Variants in DOCK8 observed in about 807,000 individuals in gnomAD.
The protein encoded by DOCK8 is dedicator of cytokinesis protein 8.
In DOCK8, 141 loss-of-function variants were observed where a neutral mutation model predicts 245.6. The observed-to-expected ratio is 0.57, with a 90% CI of 0.50 to 0.66. The LOEUF (loss-of-function observed/expected upper bound fraction) is 0.66. DOCK8 is among the 30% of genes least tolerant of loss of function. DOCK8 has a pLI of 0.00. For synonymous variants in DOCK8, 1,168 were observed against 970.2 expected (o/e 1.20, Z -3.79); for missense variants, 2,965 against 2,603.4 (o/e 1.14, Z -3.02).
intron 43 of DOCK8, 148 bp from the exon 44 acceptor site, chr9:446,222 C>T: frequency 1.3e-6 from 1 of 746,426 alleles, no homozygotes; most frequent in East Asian, 2.5e-5. Context: ...GGAACTTCTG[C>T]TGGCCACATT....
chr9:322,880 C>G (rs972646550), intron 7 of DOCK8, among the ~76,000 whole-genome samples: 1 of 151,980 alleles, frequency 6.6e-6, no homozygotes, highest in Non-Finnish European at 1.5e-5. Flanking sequence ...GTCACCTGAG[C>G]TCAGGAGTTT....
chr9:445,301 A>G (rs2057218667), intron 43 of DOCK8, among the ~76,000 whole-genome samples: 1 of 152,200 alleles, frequency 6.6e-6, no homozygotes, highest in Non-Finnish European at 1.5e-5. Context: ...GTCTGAACCC[A>G]GAGTTACAAC....
intron 4 of DOCK8, among the ~76,000 whole-genome samples, chr9:300,125 C>G (rs1014671704): frequency 1.3e-5 from 2 of 151,842 alleles, no homozygotes; most frequent in African/African-American, 4.8e-5. Flanking sequence ...TTGTTTGGCT[C>G]AAAACAAATT....
chr9:351,333 T>C (rs558010839), intron 14 of DOCK8, among the ~76,000 whole-genome samples: 9 of 152,130 alleles, frequency 5.9e-5, no homozygotes, highest in Non-Finnish European at 7.3e-5. Context: ...CTTGGGCAGG[T>C]CAGAAGGACA....
At chr9:351,558 G>A (rs1410219) in intron 14 of DOCK8, among the ~76,000 whole-genome samples, 21,963 of 152,186 alleles carry the variant, frequency 0.14, 2,389 homozygotes, top group African/African-American at 0.3. Context: ...CCCTGGTCCC[G>A]GAATTAAGGC....
At chr9:437,718 A>G (rs2056951547) in intron 39 of DOCK8, among the ~76,000 whole-genome samples, 1 of 152,266 alleles carries the variant, frequency 6.6e-6, no homozygotes, top group Non-Finnish European at 1.5e-5. Flanking sequence ...AAATATGTGC[A>G]AGGAAAATAA....
chr9:408,786 T>C (rs1317600942), intron 28 of DOCK8, among the ~76,000 whole-genome samples: 1 of 152,232 alleles, frequency 6.6e-6, no homozygotes, highest in African/African-American at 2.4e-5. Context: ...GTTGCTGTTA[T>C]ATTACTAGCA....
chr9:269,990 C>A (rs947635668), intron 1 of DOCK8, among the ~76,000 whole-genome samples: 2 of 152,162 alleles, frequency 1.3e-5, no homozygotes, highest in African/African-American at 4.8e-5. Context: ...ATACTCCTAC[C>A]AACAGCATAT....
intron 4 of DOCK8, among the ~76,000 whole-genome samples, chr9:299,238 C>G (rs1022294247): frequency 6.6e-6 from 1 of 152,198 alleles, no homozygotes; most frequent in Non-Finnish European, 1.5e-5. Flanking sequence ...GAAAGTTTAC[C>G]CAGTCAGCAC....
intron 28 of DOCK8, among the ~76,000 whole-genome samples, chr9:412,404 C>CAAAAAA (rs59340573): frequency 2.0e-5 from 2 of 100,766 alleles, no homozygotes; most frequent in African/African-American, 3.4e-5. Context: ...GACCCTGTCT[C>CAAAAAA]AAAAAAAAAA....
chr9:258,314 C>G (rs976871432), intron 1 of DOCK8, among the ~76,000 whole-genome samples: 1 of 151,456 alleles, frequency 6.6e-6, no homozygotes, highest in African/African-American at 2.4e-5. Flanking sequence ...ATAAATAGCA[C>G]CATTATAGGC....
chr9:336,766 T>C (rs771715317), intron 12 of DOCK8, 48 bp downstream of exon 12: 3 of 1,612,164 alleles, frequency 1.9e-6, no homozygotes, highest in Non-Finnish European at 2.5e-6. Flanking sequence ...CATACTGGCA[T>C]GGGCACTGGA....
intron 11 of DOCK8, among the ~76,000 whole-genome samples, 181 bp downstream of exon 11, chr9:334,565 A>G (rs1471961578): frequency 6.6e-6 from 1 of 152,236 alleles, no homozygotes; most frequent in Non-Finnish European, 1.5e-5. Flanking sequence ...GATCTCCAAA[A>G]GAAATTATCA....
At chr9:359,766 G>C (rs1300199832) in intron 14 of DOCK8, among the ~76,000 whole-genome samples, 1 of 141,594 alleles carries the variant, frequency 7.1e-6, no homozygotes, top group Non-Finnish European at 1.5e-5. Context: ...TGGCTTTGCT[G>C]CATTTCCACT....
chr9:307,311 G>C (rs1051517722), intron 5 of DOCK8, among the ~76,000 whole-genome samples: 1 of 144,362 alleles, frequency 6.9e-6, no homozygotes, highest in African/African-American at 2.6e-5. Context: ...GAGAACTCAA[G>C]TCACTGTGTT....
intron 14 of DOCK8, among the ~76,000 whole-genome samples, chr9:346,543 G>A (rs1370403973): frequency 1.3e-5 from 2 of 152,166 alleles, no homozygotes; most frequent in East Asian, 3.9e-4. Flanking sequence ...TTCAGCCCCC[G>A]AGAGCCTCTG....
intron 11 of DOCK8, among the ~76,000 whole-genome samples, chr9:335,099 A>G (rs914352810): frequency 2.6e-5 from 4 of 152,202 alleles, no homozygotes; most frequent in African/African-American, 9.7e-5. Flanking sequence ...AAGAAAAAAG[A>G]GAAAAACTCA....
At position 286,599 on chromosome 9, in the gene DOCK8, G is replaced by A. The variant is rs547012088; in HGVS notation, c.295G>A (p.Glu99Lys). 8.4e-5 allele frequency: 136 copies of A among 1,613,958 alleles called. 2 individuals are homozygous for A. In the South Asian group the frequency reaches 1.4e-3, roughly 16 times the overall value. ...CTTGGACGTGGTGTTCACGCCAAAG[G>A]AATGTAGGACTTTGCAGCCCTCTTT... Reference protein sequence around the residue: ...DDLDVVFTPKECRTLQPSLPE... With the variant: ...DDLDVVFTPKKCRTLQPSLPE... Residue 99 changes from glutamate (E) to lysine (K), a missense_variant, in exon 3 of 48, where the codon GAA (glutamate) becomes AAA (lysine). Physicochemically the swap from Glu to Lys is moderately conservative, Grantham distance 56. This residue lies in a region of DOCK8 where 2,825 missense variants were observed against 2,453.5 expected (regional missense o/e 1.15). Coordinates refer to ENST00000432829, the MANE Select transcript of DOCK8 (RefSeq NM_203447.4).
chr9:241,385 C>G (rs1249180620), intron 1 of DOCK8, among the ~76,000 whole-genome samples: 1 of 152,140 alleles, frequency 6.6e-6, no homozygotes, highest in East Asian at 1.9e-4. Context: ...TTTCCCTTCC[C>G]CCTACCCTTC....
Sources: allele counts gnomAD v4.1 joint callset (sites outside exome capture counted in the v4.1 genomes callset), GRCh38; gene constraint gnomAD v4.1.1; regional missense constraint gnomAD v4.1.1; transcripts MANE v1.5; gene names NCBI Gene and HGNC (gene_info 2026-07-23, HGNC 2026-07-21).